Variants in EPAS1 observed in about 807,000 individuals in gnomAD.
EPAS1 encodes endothelial PAS domain-containing protein 1.
Under a neutral mutation model 87.9 loss-of-function variants are expected in EPAS1, and 23 were observed. The ratio of observed to expected loss-of-function variants is 0.26; its 90% CI spans 0.19 to 0.37. EPAS1 has a LOEUF of 0.37. Ranked by LOEUF, EPAS1 falls within the 10% of genes least tolerant of loss-of-function variation. EPAS1 has a pLI of 1.00. For missense variants in EPAS1, 1,138 were observed against 1,120.7 expected (o/e 1.02, Z -0.22); for synonymous variants, 508 against 444.3 (o/e 1.14, Z -1.80).
Position 46,385,558 on chromosome 2 carries a change from C to G in EPAS1, c.*898C>G, listed in dbSNP as rs577130920. On this transcript the variant is annotated 3_prime_UTR_variant, in exon 16 of 16. Coordinates refer to ENST00000263734, the MANE Select transcript of EPAS1 (RefSeq NM_001430.5). Reference sequence around the variant, plus strand: ...TTGTCCAGTGCTCCCACGGCCTGTACGGACACTGTGGAAGGCCTCCCTCTG... The same window carrying G: ...TTGTCCAGTGCTCCCACGGCCTGTAGGGACACTGTGGAAGGCCTCCCTCTG... 1 of 152,328 alleles carries G rather than the reference C, an allele frequency of 6.6e-6. No homozygotes were observed. Among genetic ancestry groups the G allele is most frequent in the South Asian group, 2.1e-4 (1 of 4,824 alleles). The allele number at this position is 152,328 out of a possible 1,614,324, so 9.4% of individuals were successfully genotyped here.
At chr2:46,367,238 T>C (rs1276039339) in intron 6 of EPAS1, among the ~76,000 whole-genome samples, 1 of 152,248 alleles carries the variant, frequency 6.6e-6, no homozygotes, top group Non-Finnish European at 1.5e-5. Context: ...ACTTTGAACA[T>C]TTTAATTTAA....
chr2:46,340,037 G>C (rs1683880170), intron 1 of EPAS1, among the ~76,000 whole-genome samples: 1 of 152,162 alleles, frequency 6.6e-6, no homozygotes, highest in Non-Finnish European at 1.5e-5. Flanking sequence ...TAAGGCTTGG[G>C]CTTGATGAAG....
Position 46,380,560 on chromosome 2 carries a change from T to C in EPAS1, c.1888T>C (p.Ser630Pro). 2 of 1,614,044 alleles carry C rather than the reference T, an allele frequency of 1.2e-6. No individual in the cohort carries two copies. The highest frequency in any genetic ancestry group is 2.2e-5 in the East Asian group (1 of 44,870). The change falls in exon 12 of 16, where the codon TCC becomes CCC. Residue 630 changes from serine (S) to proline (P), a missense_variant. Physicochemically the swap from Ser to Pro is moderately conservative, Grantham distance 74. This residue lies in a region of EPAS1 where 502 missense variants were observed against 427.1 expected (regional missense o/e 1.18). Transcript: ENST00000263734. The surrounding 1 kb of genome is among the most constrained non-coding windows in gnomAD (Gnocchi z 4.4). Reference protein sequence around the residue: ...CCGQASTPLSSMGGRSNTQWP... With the variant: ...CCGQASTPLSPMGGRSNTQWP... ...TGGCCAGGCCAGCACCCCTCTCTCTTCCATGGGGGGCAGATCCAATACCCA... is the reference window on the plus strand; with the variant it reads ...TGGCCAGGCCAGCACCCCTCTCTCTCCCATGGGGGGCAGATCCAATACCCA...
At chr2:46,315,836 G>A (rs1385087917) in intron 1 of EPAS1, among the ~76,000 whole-genome samples, 1 of 152,258 alleles carries the variant, frequency 6.6e-6, no homozygotes, top group Non-Finnish European at 1.5e-5. Flanking sequence ...TATAGCACAA[G>A]GGGAGTTGGG....
chr2:46,343,626 A>G (rs1218181565), intron 1 of EPAS1, among the ~76,000 whole-genome samples: 1 of 152,190 alleles, frequency 6.6e-6, no homozygotes, highest in Admixed American at 6.5e-5. Context: ...GCTTTCTGTA[A>G]AGGCATTATT....
chr2:46,382,555 C>A lies in EPAS1; in HGVS notation c.2418C>A (p.Thr806=). 2.5e-6 allele frequency: 4 copies of A among 1,614,164 alleles called. No individual in the cohort carries two copies. The East Asian group carries it at 6.7e-5, about 27-fold the overall frequency. The stretch of plus-strand genomic sequence containing the variant: ...GGTTCCCCCCACAGTGCTACGCCAC[C>A]CAGTACCAGGACTACAGCCTGTCGT... ...KSRFPPQCYA[T]QYQDYSLSSA... is the part of the protein sequence containing the mutation. The change falls in exon 15 of 16, where the codon ACC becomes ACA. Residue 806 remains threonine, a synonymous_variant. Transcript: ENST00000263734.
intron 1 of EPAS1, among the ~76,000 whole-genome samples, chr2:46,326,336 C>T (rs941185568): frequency 2.0e-5 from 3 of 151,424 alleles, no homozygotes; most frequent in Non-Finnish European, 2.9e-5. Context: ...TAAGTATGGG[C>T]GCCAGGATGC....
chr2:46,375,910 A>T lies in EPAS1; in HGVS notation c.1034+73A>T. ...GCCCAAGCTTCCCAGACTCAGGATG[A>T]CAGGCCTAGGAGATGCCAGGCCTCT... On this transcript the variant is annotated intron_variant, in intron 8 of 15. Transcript: ENST00000263734. This position sits in a 1 kb window ranked among gnomAD's most constrained non-coding sequence, Gnocchi z 4.1. 1.2e-6 allele frequency: 2 copies of T among 1,606,018 alleles called. No homozygotes were observed. Among genetic ancestry groups the T allele is most frequent in the Non-Finnish European group, 1.7e-6 (2 of 1,174,200 alleles).
intron 1 of EPAS1, among the ~76,000 whole-genome samples, chr2:46,302,621 A>G (rs539982733): frequency 2.0e-5 from 3 of 152,172 alleles, no homozygotes; most frequent in Admixed American, 1.3e-4. Context: ...GATATAATCC[A>G]TAAGATGACA....
intron 2 of EPAS1, among the ~76,000 whole-genome samples, chr2:46,355,012 G>T (rs1049319437): frequency 6.6e-6 from 1 of 152,120 alleles, no homozygotes; most frequent in Non-Finnish European, 1.5e-5. Flanking sequence ...GCAACAGTTA[G>T]TTGTCTGTGA....
rs200435589 is a variant in EPAS1, at chr2:46,356,138, C to A, written c.218-13C>A. On this transcript the variant is annotated splice_polypyrimidine_tract_variant and intron_variant, in intron 2 of 15. Transcript: ENST00000263734. ...ACATTCATGCAAGCTGTCCCACCCC[C>A]CCCCCTTTCCAGTTTGCTCTGAAAA... The A allele has an allele frequency of 5.3e-4, 666 of 1,261,396 alleles. 7 individuals are homozygous for A. In the African/African-American group the frequency reaches 0.014, roughly 26 times the overall value. The allele number at this position is 1,261,396 out of a possible 1,614,324, so 78.1% of individuals were successfully genotyped here. A position where few individuals can be genotyped will look rare whatever the true frequency, so the allele number is the denominator to read the frequency against.
At chr2:46,352,813 G>A (rs974595850) in intron 2 of EPAS1, among the ~76,000 whole-genome samples, 3 of 152,220 alleles carry the variant, frequency 2.0e-5, no homozygotes, top group Non-Finnish European at 4.4e-5. Flanking sequence ...GCAGTCCCAA[G>A]ACATTCTGTT....
chr2:46,354,534 A>G (rs993684419), intron 2 of EPAS1, among the ~76,000 whole-genome samples: 2 of 150,322 alleles, frequency 1.3e-5, no homozygotes, highest in Non-Finnish European at 3.0e-5. Flanking sequence ...CCGAGTCTAT[A>G]TTTTTCAGAT....
At chr2:46,329,680 G>GGC (rs1189845060) in intron 1 of EPAS1, among the ~76,000 whole-genome samples, 124 of 152,292 alleles carry the variant, frequency 8.1e-4, no homozygotes, top group Non-Finnish European at 1.5e-3. Flanking sequence ...AATTTAGCCA[G>GGC]GTGCAGTGGT....
chr2:46,386,647 A>G lies in EPAS1; in HGVS notation c.*1987A>G, dbSNP rs1368747556. The G allele has an allele frequency of 6.5e-6, 1 of 152,698 alleles. No homozygotes were observed. The highest frequency in any genetic ancestry group is 1.5e-5 in the Non-Finnish European group (1 of 68,042). 9.5% of individuals were successfully genotyped at this position (152,698 alleles called of 1,614,324 possible). A position where few individuals can be genotyped will look rare whatever the true frequency, so the allele number is the denominator to read the frequency against. On this transcript the variant is annotated 3_prime_UTR_variant, in exon 16 of 16. Transcript: ENST00000263734. ...TATAACTGTATGGGAGCTTAACTTT[A>G]TAAGGAAATGTATTTTGACACTGGT... is the stretch of plus-strand genomic sequence containing the variant.
At chr2:46,352,269 C>T (rs530925715) in intron 2 of EPAS1, among the ~76,000 whole-genome samples, 2 of 152,300 alleles carry the variant, frequency 1.3e-5, no homozygotes, top group Admixed American at 6.5e-5. Flanking sequence ...TGGATTGTGG[C>T]ATCACCTTAC....
intron 1 of EPAS1, among the ~76,000 whole-genome samples, chr2:46,322,998 A>G (rs970554114): frequency 1.3e-5 from 2 of 152,214 alleles, no homozygotes; most frequent in South Asian, 2.1e-4. Context: ...CAAGGAATCA[A>G]TCTATTAACA....
At chr2:46,312,530 G>A (rs1220871952) in intron 1 of EPAS1, among the ~76,000 whole-genome samples, 6 of 152,090 alleles carry the variant, frequency 3.9e-5, no homozygotes, top group Admixed American at 3.9e-4. Flanking sequence ...AAAGTTTAAA[G>A]GGCAGACCTT....
intron 1 of EPAS1, among the ~76,000 whole-genome samples, chr2:46,307,222 G>A (rs761383503): frequency 6.6e-6 from 1 of 152,196 alleles, no homozygotes; most frequent in Admixed American, 6.5e-5. Flanking sequence ...TTGGTGCCTT[G>A]GTGCCCAGGG....
Sources: allele counts gnomAD v4.1 joint callset (sites outside exome capture counted in the v4.1 genomes callset), GRCh38; gene constraint gnomAD v4.1.1; regional missense constraint gnomAD v4.1.1; non-coding constraint Gnocchi (gnomAD v3.1); transcripts MANE v1.5; gene names NCBI Gene and HGNC (gene_info 2026-07-23, HGNC 2026-07-21).